The following ACTN3 variants were observed in gnomAD, a reference collection of about 807,000 sequenced individuals.
ACTN3 encodes the protein actinin alpha 3, also known as alpha-actinin-3.
Under a neutral mutation model 119.6 loss-of-function variants are expected in ACTN3, and 91 were observed. The observed-to-expected ratio is 0.76, with a 90% CI of 0.64 to 0.91. The LOEUF is 0.91. Ranked by LOEUF, ACTN3 falls within the 40% of genes least tolerant of loss-of-function variation. The probability of loss-of-function intolerance (pLI) is 0.00; values close to 1 mark genes in which losing one functional copy is unlikely to be tolerated. For synonymous variants in ACTN3, 456 were observed against 478.8 expected (o/e 0.95, Z 0.62); for missense variants, 1,221 against 1,215.1 (o/e 1.00, Z -0.07).
rs1321528496 is a variant in ACTN3, at chr11:66,563,073, T to C, written c.2586T>C (p.Pro862=). The part of the protein sequence containing the change: ...ITPEELRREL[P]AKQAEYCIRR... ...CCGAGGAGCTGCGGCGCGAGCTCCC[T>C]GCCAAGCAGGCCGAGTACTGCATCC... Residue 862 remains proline, a synonymous_variant, in exon 21 of 21, where the codon CCT becomes CCC. Transcript: ENST00000513398. 1 of 1,612,816 alleles carries C rather than the reference T, an allele frequency of 6.2e-7. No homozygotes were observed. The highest frequency in any genetic ancestry group is 8.5e-7 in the Non-Finnish European group (1 of 1,179,542).
Position 66,561,549 on chromosome 11 carries a change from A to G in ACTN3, c.2087A>G (p.Lys696Arg). ...RQQEQNIINY[K>R]TNIDRLEGDH... ...CAGGAGCAGAACATTATCAACTACA[A>G]GACTAACATTGACCGGCTGGAGGGT... Residue 696 changes from lysine (K) to arginine (R), a missense_variant, in exon 17 of 21, where the codon AAG becomes AGG. Transcript: ENST00000513398. 6.2e-7 allele frequency: 1 copy of G among 1,612,398 alleles called. No homozygotes were observed. Among genetic ancestry groups the G allele is most frequent in the South Asian group, 1.1e-5 (1 of 90,690 alleles).
rs763363046 is a variant in ACTN3, at chr11:66,562,939, C to G, written c.2532C>G (p.Ile844Met). The G allele has an allele frequency of 6.2e-7, 1 of 1,613,268 alleles. No individual in the cohort carries two copies. Among genetic ancestry groups the G allele is most frequent in the South Asian group, 1.1e-5 (1 of 90,994 alleles). ...TTEQVVASFK[I>M]LAGDKNYITP... ...AGCAAGTTGTAGCTTCCTTCAAGAT[C>G]TTGGCAGGAGACAAGGTGAGTCCCA... The change falls in exon 20 of 21, where the codon ATC becomes ATG. Residue 844 changes from isoleucine (I) to methionine (M), a missense_variant. Ile to Met is a conservative substitution (Grantham distance 10). This residue lies in a region of ACTN3 where 934 missense variants were observed against 899.9 expected (regional missense o/e 1.04). Coordinates refer to ENST00000513398, the MANE Select transcript of ACTN3 (RefSeq NM_001104.4).
At chr11:66,561,970 A>G (rs1370081926) in intron 17 of ACTN3, 52 bp from the exon 18 acceptor site, 49 of 1,557,498 alleles carry the variant, frequency 3.1e-5, no homozygotes, top group Non-Finnish European at 4.1e-5. Flanking sequence ...AGCTAGAGCC[A>G]GTGGCCAGGC....
At position 66,560,218 on chromosome 11, in the gene ACTN3, T is replaced by C; in HGVS notation, c.1584T>C (p.Phe528=). The change falls in exon 14 of 21, where the codon TTT becomes TTC. Residue 528 remains phenylalanine, a synonymous_variant. Transcript: ENST00000513398. Reference sequence around the variant, plus strand: ...CCATTGACCGGCTGCAACTGGAGTTTGCCCGGCGGGCCGCGCCCTTCAACA... The same window carrying C: ...CCATTGACCGGCTGCAACTGGAGTTCGCCCGGCGGGCCGCGCCCTTCAACA... ...LETIDRLQLE[F]ARRAAPFNNW... The C allele has an allele frequency of 6.2e-7, 1 of 1,611,806 alleles. No homozygotes were observed. The highest frequency in any genetic ancestry group is 8.5e-7 in the Non-Finnish European group (1 of 1,179,016).
In ACTN3 at chr11:66,555,168, G is replaced by A. The variant is rs34515982; in HGVS notation, c.596G>A (p.Arg199Gln). 2,270 of 1,613,880 alleles carry A rather than the reference G, an allele frequency of 1.4e-3. 43 individuals carry two copies. The highest frequency in any genetic ancestry group is 3.7e-4 in the Non-Finnish European group (435 of 1,179,958). The change falls in exon 6 of 21, where the codon CGA becomes CAA. Residue 199 changes from arginine (R) to glutamine (Q), a missense_variant. Transcript: ENST00000513398. ...CTGGCCCTCTGTGCCCTCATCCACC[G>A]ACACCGCCCTGACCTCATCGACTAC... Reference protein sequence around the residue: ...DGLALCALIHRHRPDLIDYAK... With the variant: ...DGLALCALIHQHRPDLIDYAK...
chr11:66,547,170 A>T, intron 1 of ACTN3, 86 bp downstream of exon 1: 1 of 1,379,006 alleles, frequency 7.3e-7, no homozygotes, highest in Non-Finnish European at 9.5e-7. Flanking sequence ...GTGCAGGGGC[A>T]GAGCTTGTCT....
At chr11:66,551,189 A>G (rs1318890964) in intron 1 of ACTN3, 50 bp from the exon 2 acceptor site, 3 of 1,362,062 alleles carry the variant, frequency 2.2e-6, no homozygotes, top group East Asian at 2.4e-5. Context: ...ACTGTGCCCT[A>G]CATCCCCCAG....
At chr11:66,557,271 G>C in intron 9 of ACTN3, 46 bp downstream of exon 9, 1 of 1,531,914 alleles carries the variant, frequency 6.5e-7, no homozygotes, top group Non-Finnish European at 8.8e-7. Context: ...AGCCCTACTG[G>C]CTCTCCCAAC....
intron 8 of ACTN3, among the ~76,000 whole-genome samples, chr11:66,556,657 G>A (rs918235819): frequency 6.6e-6 from 1 of 152,094 alleles, no homozygotes; most frequent in Non-Finnish European, 1.5e-5. Flanking sequence ...GGCTGGTCTC[G>A]AACTCCTGGA....
In ACTN3 at chr11:66,562,063, C is replaced by T; in HGVS notation, c.2217C>T (p.Ala739=). The change falls in exon 18 of 21, where the codon GCC becomes GCT. Residue 739 remains alanine (A), a synonymous_variant. Transcript: ENST00000513398. The part of the protein sequence containing the change: ...VGWEQLLTSI[A]RTINEVENQV... ...GGGAGCAGCTGCTCACCTCCATTGC[C>T]CGCACCATCAATGAAGTGGAGAACC... The T allele has an allele frequency of 6.2e-7, 1 of 1,613,480 alleles. No homozygotes were observed. Among genetic ancestry groups the T allele is most frequent in the Non-Finnish European group, 8.5e-7 (1 of 1,179,760 alleles).
In ACTN3 at chr11:66,559,217, C is replaced by A. The variant is rs1281668328; in HGVS notation, c.1277-19C>A. On this transcript the variant is annotated intron_variant, in intron 11 of 20. Transcript: ENST00000513398. The stretch of plus-strand genomic sequence containing the variant: ...CCCTGCCGCCACTGGGTGACCGGAG[C>A]CGGCATCTCTTTGAGCAGGAAAGGA... The A allele has an allele frequency of 1.4e-6, 2 of 1,476,164 alleles. No individual in the cohort carries two copies. The highest frequency in any genetic ancestry group is 1.8e-6 in the Non-Finnish European group (2 of 1,110,176). 91.4% of individuals were successfully genotyped at this position (1,476,164 alleles called of 1,614,324 possible).
chr11:66,560,727 C>G lies in ACTN3; in HGVS notation c.1832C>G (p.Pro611Arg). 3 of 1,613,246 alleles carry G rather than the reference C, an allele frequency of 1.9e-6. No individual in the cohort carries two copies. Among genetic ancestry groups the G allele is most frequent in the Non-Finnish European group, 2.5e-6 (3 of 1,179,432 alleles). Residue 611 changes from proline to arginine, a missense_variant, in exon 15 of 21, where the codon CCG becomes CGG. Around this residue, in one of 3 missense-constraint regions of ACTN3, gnomAD observed 934 missense variants for 899.9 expected, o/e 1.04. Coordinates refer to ENST00000513398, the MANE Select transcript of ACTN3 (RefSeq NM_001104.4). ...ACCAATCCCTACATCACCCTCAGCC[C>G]GCAGGACATCAACACCAAGTGGGAT... Reference protein sequence around the residue: ...CSTNPYITLSPQDINTKWDMV... With the variant: ...CSTNPYITLSRQDINTKWDMV...
In ACTN3 at chr11:66,550,263, C is replaced by G. The variant is rs188541322; in HGVS notation, c.148-976C>G. ...TGAGTGGCTCAGTTGGCCTTGGAGC[C>G]CACCCTGACTCTACCAAGTAGTCTA... On this transcript the variant is annotated intron_variant, in intron 1 of 20. Coordinates refer to ENST00000513398, the MANE Select transcript of ACTN3 (RefSeq NM_001104.4). Among the ~76,000 whole-genome samples, 225 of 152,286 alleles carry G rather than the reference C, an allele frequency of 1.5e-3. 1 individual carries two copies. Among genetic ancestry groups the G allele is most frequent in the African/African-American group, 5.2e-3 (216 of 41,562 alleles).
Position 66,562,335 on chromosome 11 carries a change from C to T in ACTN3, c.2388+13C>T, listed in dbSNP as rs376045465. ...GGGCTATGACCTGGTGAGAGCTCCC[C>T]AGCTCCTTCCCAGGAGTCCCAAAGT... On this transcript the variant is annotated intron_variant, in intron 19 of 20. Transcript: ENST00000513398. The T allele has an allele frequency of 2.5e-6, 4 of 1,612,020 alleles. No individual in the cohort carries two copies. The African/African-American group carries it at 4.0e-5, about 16-fold the overall frequency.
At chr11:66,561,904 T>C (rs1857780345) in intron 17 of ACTN3, 118 bp from the exon 18 acceptor site, 6 of 1,252,348 alleles carry the variant, frequency 4.8e-6, no homozygotes, top group Non-Finnish European at 6.7e-6. Flanking sequence ...CAGATGGGGA[T>C]GGAGGCCCAG....
intron 3 of ACTN3, among the ~76,000 whole-genome samples, chr11:66,552,839 AAG>A (rs762916808): frequency 4.0e-5 from 6 of 148,344 alleles, no homozygotes; most frequent in Non-Finnish European, 8.9e-5. Context: ...CCTGGGTGAC[AAG>A]AGAGACTCTG....
At chr11:66,559,187 C>T in intron 11 of ACTN3, 49 bp from the exon 12 acceptor site, 1 of 1,443,242 alleles carries the variant, frequency 6.9e-7, no homozygotes, top group East Asian at 2.7e-5. Context: ...GCCGCGCACC[C>T]CTGCCCCTGC....
rs1406411318 is a variant in ACTN3 at position 66,554,026 on chromosome 11, CCT to C, written c.383-18_383-17del. The C allele has an allele frequency of 3.1e-6, 5 of 1,612,022 alleles. No homozygotes were observed. The highest frequency in any genetic ancestry group is 1.3e-5 in the African/African-American group (1 of 74,826). On this transcript the variant is annotated splice_polypyrimidine_tract_variant and intron_variant, in intron 3 of 20. Transcript: ENST00000513398. ...CCTTGAATGCCAGGCAAATCTGTCC[CCT>C]GACCCCTGCCCTGCAGAGATTGTTG... is the stretch of plus-strand genomic sequence containing the variant.
chr11:66,561,518 C>A lies in ACTN3; in HGVS notation c.2056C>A (p.Arg686=). ...GSLEEQMAGL[R]QQEQNIINYK... ...TCTGGAGGAGCAGATGGCTGGGCTA[C>A]GGCAGCAGGAGCAGAACATTATCAA... Residue 686 remains arginine (R), a synonymous_variant, in exon 17 of 21, where the codon CGG becomes AGG. Coordinates refer to ENST00000513398, the MANE Select transcript of ACTN3 (RefSeq NM_001104.4). 1.2e-6 allele frequency: 2 copies of A among 1,606,976 alleles called. No homozygotes were observed. Among genetic ancestry groups the A allele is most frequent in the Non-Finnish European group, 1.7e-6 (2 of 1,176,776 alleles).
Sources: gnomAD v4.1 joint callset for allele counts (sites outside exome capture counted in the v4.1 genomes callset) on GRCh38, gnomAD v4.1.1 for gene constraint, gnomAD v4.1.1 regional missense constraint, MANE v1.5 for transcripts, NCBI Gene and HGNC (gene_info 2026-07-23, HGNC 2026-07-21) for gene names.